The following SLC4A7 variants were observed in gnomAD, a reference collection of about 807,000 sequenced individuals.
SLC4A7 encodes sodium bicarbonate cotransporter 3.
Under a neutral mutation model 137.6 loss-of-function variants are expected in SLC4A7, and 51 were observed. The observed-to-expected ratio is 0.37, with a 90% CI of 0.30 to 0.47. The LOEUF (loss-of-function observed/expected upper bound fraction) is 0.47, where lower values mean the gene tolerates loss of function less well. Ranked by LOEUF, SLC4A7 falls within the 20% of genes least tolerant of loss-of-function variation. SLC4A7 has a pLI of 1.00. For synonymous variants in SLC4A7, 542 were observed against 518.6 expected (o/e 1.05, Z -0.61); for missense variants, 1,247 against 1,525.4 (o/e 0.82, Z 3.04).
At chr3:27,445,382 G>A (rs962895201) in intron 3 of SLC4A7, among the ~76,000 whole-genome samples, 1 of 152,144 alleles carries the variant, frequency 6.6e-6, no homozygotes, top group South Asian at 2.1e-4. Flanking sequence ...TCCCTGTGCT[G>A]TGGCCTGGAA....
At chr3:27,439,977 T>C (rs2150432003) in intron 3 of SLC4A7, among the ~76,000 whole-genome samples, 1 of 152,364 alleles carries the variant, frequency 6.6e-6, no homozygotes, top group African/African-American at 2.4e-5. Context: ...TGAACCTATT[T>C]AGATAGTTGT....
intron 6 of SLC4A7, among the ~76,000 whole-genome samples, chr3:27,432,552 A>G (rs1476915598): frequency 6.6e-6 from 1 of 152,206 alleles, no homozygotes; most frequent in Non-Finnish European, 1.5e-5. Flanking sequence ...TTTATGAAAA[A>G]CATGCAAATA....
intron 1 of SLC4A7, among the ~76,000 whole-genome samples, chr3:27,472,453 C>T (rs7640929): frequency 2.0e-5 from 3 of 150,960 alleles, no homozygotes; most frequent in Non-Finnish European, 4.4e-5. Flanking sequence ...CCAGCCTGGG[C>T]GACAGAATGA....
At position 27,389,781 on chromosome 3, in the gene SLC4A7, T is replaced by G. The variant is rs1436468706; in HGVS notation, c.3360+150A>C. On this transcript the variant is annotated intron_variant, in intron 22 of 25. Transcript: ENST00000454389. ...AATTGAAGCTGGGAAACAACTGCTT[T>G]GTATCTAGTAACAGCTAATTCACAT... is the stretch of plus-strand genomic sequence containing the variant. 4 of 585,642 alleles carry G rather than the reference T, an allele frequency of 6.8e-6. No individual in the cohort carries two copies. In the Admixed American group the frequency reaches 1.4e-4, roughly 21 times the overall value. 36.3% of individuals were successfully genotyped at this position (585,642 alleles called of 1,614,324 possible). A position where few individuals can be genotyped will look rare whatever the true frequency, so the allele number is the denominator to read the frequency against.
intron 3 of SLC4A7, among the ~76,000 whole-genome samples, chr3:27,443,024 C>CTTTTTTTTTTTTTTTTT (rs1156950293): frequency 9.8e-6 from 1 of 102,142 alleles, no homozygotes; most frequent in Non-Finnish European, 1.9e-5. Context: ...TCTCTTTTTT[C>CTTTTTTTTTTTTTTTTT]TTTTTTTCTT....
rs1345223213 is a variant in SLC4A7 at position 27,373,552 on chromosome 3, T to C, written c.*3212A>G. The C allele has an allele frequency of 6.6e-6, 1 of 152,156 alleles. No individual in the cohort carries two copies. The highest frequency in any genetic ancestry group is 2.4e-5 in the African/African-American group (1 of 41,460). 9.4% of individuals were successfully genotyped at this position (152,156 alleles called of 1,614,324 possible). Reference sequence around the variant, plus strand: ...ATATCAATGGCTTACACAGTTGAAATCTGAGCACTTTAAAACAGGATTCAC... The same window carrying C: ...ATATCAATGGCTTACACAGTTGAAACCTGAGCACTTTAAAACAGGATTCAC... On this transcript the variant is annotated 3_prime_UTR_variant, in exon 26 of 26. Transcript: ENST00000454389.
chr3:27,429,063 C>G (rs1172278111), intron 7 of SLC4A7, among the ~76,000 whole-genome samples: 1 of 151,714 alleles, frequency 6.6e-6, no homozygotes. Context: ...GTCAAGAGAT[C>G]GAGACCATCC....
chr3:27,393,425 G>C (rs868519076), intron 20 of SLC4A7, among the ~76,000 whole-genome samples: 6 of 152,192 alleles, frequency 3.9e-5, no homozygotes, highest in South Asian at 2.1e-4. Context: ...TTTGAAATAT[G>C]CAAGAACTCT....
intron 11 of SLC4A7, among the ~76,000 whole-genome samples, 156 bp downstream of exon 11, chr3:27,418,330 A>T (rs1012305356): frequency 6.6e-6 from 1 of 152,198 alleles, no homozygotes; most frequent in Non-Finnish European, 1.5e-5. Context: ...AACTAGTAAA[A>T]AATGGTCCAC....
intron 3 of SLC4A7, among the ~76,000 whole-genome samples, chr3:27,439,747 T>C (rs1254679194): frequency 1.3e-5 from 2 of 152,198 alleles, no homozygotes; most frequent in African/African-American, 2.4e-5. Flanking sequence ...CTAGGTCTTC[T>C]AGTACAGTGT....
Position 27,434,013 on chromosome 3 carries a change from A to G in SLC4A7, c.681T>C (p.His227=). The G allele has an allele frequency of 6.2e-7, 1 of 1,613,858 alleles. No individual in the cohort carries two copies. The highest frequency in any genetic ancestry group is 8.5e-7 in the Non-Finnish European group (1 of 1,179,838). Residue 227 remains histidine (H), a synonymous_variant, in exon 6 of 26, where the codon CAT becomes CAC. Coordinates refer to ENST00000454389, the MANE Select transcript of SLC4A7 (RefSeq NM_001321103.2). ...GACTGGTGAATCTTTTCTCATTCTG[A>G]TGATGATGTCTCTTCAGAAGAGCTT... The part of the protein sequence containing the change: ...VREALLKRHH[H]QNEKRFTSRI...
chr3:27,412,097 T>G (rs766169988), intron 11 of SLC4A7, among the ~76,000 whole-genome samples: 49 of 152,144 alleles, frequency 3.2e-4, no homozygotes, highest in Non-Finnish European at 6.8e-4. Flanking sequence ...CACCAAAACT[T>G]TAAAAATACT....
intron 1 of SLC4A7, among the ~76,000 whole-genome samples, chr3:27,472,634 C>T (rs1373061329): frequency 1.3e-5 from 2 of 152,162 alleles, no homozygotes; most frequent in African/African-American, 2.4e-5. Context: ...ATGACCTTAT[C>T]TCCCACCTCT....
intron 15 of SLC4A7, among the ~76,000 whole-genome samples, chr3:27,401,406 A>G (rs1399335106): frequency 2.0e-5 from 3 of 152,230 alleles, no homozygotes; most frequent in Non-Finnish European, 4.4e-5. Context: ...ATCAGAGTTC[A>G]GTTCATATCC....
At chr3:27,410,708 C>A (rs1213494103) in intron 12 of SLC4A7, among the ~76,000 whole-genome samples, 1 of 152,186 alleles carries the variant, frequency 6.6e-6, no homozygotes, top group Non-Finnish European at 1.5e-5. Flanking sequence ...CAATGACTAA[C>A]CCTATCCCAG....
At chr3:27,464,893 G>A (rs1576627063) in intron 1 of SLC4A7, among the ~76,000 whole-genome samples, 1 of 152,144 alleles carries the variant, frequency 6.6e-6, no homozygotes, top group African/African-American at 2.4e-5. Context: ...TTCAATTGGT[G>A]AGATGGACAG....
chr3:27,409,298 T>A, intron 13 of SLC4A7, 58 bp downstream of exon 13: 1 of 1,339,226 alleles, frequency 7.5e-7, no homozygotes, highest in Non-Finnish European at 1.0e-6. Flanking sequence ...GACAAATGCA[T>A]ACAGACACTT....
At chr3:27,445,931 C>CAAAA (rs1164631983) in intron 3 of SLC4A7, among the ~76,000 whole-genome samples, 3 of 58,522 alleles carry the variant, frequency 5.1e-5, no homozygotes, top group African/African-American at 8.1e-5. Context: ...GGCTCAGTCT[C>CAAAA]AAAAAAAAAA....
At chr3:27,394,478 TATA>T (rs766731294) in intron 20 of SLC4A7, 37 bp downstream of exon 20, 3 of 1,546,594 alleles carry the variant, frequency 1.9e-6, no homozygotes, top group Non-Finnish European at 2.7e-6. Context: ...GTATAAATGT[TATA>T]ATAAGATTGT....
Sources: gnomAD v4.1 joint callset for allele counts (sites outside exome capture counted in the v4.1 genomes callset) on GRCh38, gnomAD v4.1.1 for gene constraint, MANE v1.5 for transcripts, NCBI Gene and HGNC (gene_info 2026-07-23, HGNC 2026-07-21) for gene names.